The following TRIO variants were observed in gnomAD, a reference collection of about 807,000 sequenced individuals.
The protein encoded by TRIO is trio Rho guanine nucleotide exchange factor.
TRIO carries 58 observed loss-of-function variants against 351.9 expected under a neutral mutation model. That is an observed-to-expected ratio of 0.16 (90% CI 0.13 to 0.21). The LOEUF (loss-of-function observed/expected upper bound fraction) is 0.21. TRIO is among the 10% of genes least tolerant of loss of function. The pLI is 1.00. For missense variants in TRIO, 3,201 were observed against 4,027.8 expected, an observed-to-expected ratio of 0.79 and a Z score of 5.56; for synonymous variants, 1,758 against 1,595.7, an observed-to-expected ratio of 1.10 and a Z score of -2.42.
chr5:14,487,654 C>G lies in TRIO; in HGVS notation c.7026C>G (p.Pro2342=), dbSNP rs1579802383. The change falls in exon 48 of 57, where the codon CCC becomes CCG. Residue 2342 remains proline, a synonymous_variant. Coordinates refer to ENST00000344204, the MANE Select transcript of TRIO (RefSeq NM_007118.4). ...STSRSRPSRI[P]QPVRHHPPVL... is the part of the protein sequence containing the mutation. ...GCAGGAGCCGGCCCTCCCGGATCCC[C>G]CAGCCTGTCCGACACCACCCCCCCG... 7.5e-7 allele frequency: 1 copy of G among 1,337,912 alleles called. No homozygotes were observed. Among genetic ancestry groups the G allele is most frequent in the Non-Finnish European group, 9.7e-7 (1 of 1,034,328 alleles). The allele number at this position is 1,337,912 out of a possible 1,614,324, so 82.9% of individuals were successfully genotyped here.
At position 14,497,937 on chromosome 5, in the gene TRIO, G is replaced by C; in HGVS notation, c.8047+63G>C. The stretch of plus-strand genomic sequence containing the variant: ...TTCTAGACCTGTGGGGCATGTTTCA[G>C]AGCACTTGAGTGTGGCCTCTGGAAA... On this transcript the variant is annotated intron_variant, in intron 51 of 56. Transcript: ENST00000344204. This position sits in a 1 kb window ranked among gnomAD's most constrained non-coding sequence, Gnocchi z 4.4. 1.9e-6 allele frequency: 3 copies of C among 1,612,724 alleles called. No individual in the cohort carries two copies. The highest frequency in any genetic ancestry group is 2.5e-6 in the Non-Finnish European group (3 of 1,178,766).
intron 1 of TRIO, among the ~76,000 whole-genome samples, chr5:14,159,748 G>A (rs1168112706): frequency 6.6e-6 from 1 of 151,992 alleles, no homozygotes; most frequent in Non-Finnish European, 1.5e-5. Context: ...TGCATTTTTA[G>A]TAGAGACAGG....
chr5:14,235,883 G>A (rs949861303), intron 1 of TRIO, among the ~76,000 whole-genome samples: 5 of 151,748 alleles, frequency 3.3e-5, no homozygotes, highest in African/African-American at 1.2e-4. Context: ...GGCTGGTCTC[G>A]AACTCCTGGC....
chr5:14,448,406 G>A (rs538110019), intron 34 of TRIO, among the ~76,000 whole-genome samples: 3 of 152,360 alleles, frequency 2.0e-5, no homozygotes, highest in South Asian at 4.1e-4. Flanking sequence ...CCATCAGAGC[G>A]TGGGTTGTCT....
intron 34 of TRIO, among the ~76,000 whole-genome samples, chr5:14,439,649 G>T (rs939856029): frequency 6.6e-6 from 1 of 152,276 alleles, no homozygotes; most frequent in South Asian, 2.1e-4. Flanking sequence ...CAATAAAGTT[G>T]TCTTCTCTTA....
chr5:14,471,998 T>C (rs1480939987), intron 38 of TRIO, among the ~76,000 whole-genome samples: 1 of 152,036 alleles, frequency 6.6e-6, no homozygotes, highest in Non-Finnish European at 1.5e-5. Flanking sequence ...TCCGATGGTG[T>C]TGGGCACATG....
intron 46 of TRIO, among the ~76,000 whole-genome samples, chr5:14,484,197 G>T (rs116162014): frequency 6.6e-6 from 1 of 152,184 alleles, no homozygotes; most frequent in African/African-American, 2.4e-5. Context: ...TAGGAATTTC[G>T]TATATATTTT....
chr5:14,201,131 G>C (rs1205382494), intron 1 of TRIO, among the ~76,000 whole-genome samples: 1 of 151,990 alleles, frequency 6.6e-6, no homozygotes, highest in Non-Finnish European at 1.5e-5. Flanking sequence ...GTTGTGCCAC[G>C]TTCCTGTAAT....
At position 14,507,939 on chromosome 5, in the gene TRIO, T is replaced by C; in HGVS notation, c.8811T>C (p.Phe2937=). Residue 2937 remains phenylalanine, a synonymous_variant, in exon 57 of 57, where the codon TTT becomes TTC. Coordinates refer to ENST00000344204, the MANE Select transcript of TRIO (RefSeq NM_007118.4). ...AGCCAACCATCAAACTGGCTGACTT[T>C]GGAGATGCTGTTCAGCTCAACACGA... The part of the protein sequence containing the change: ...LAKPTIKLAD[F]GDAVQLNTTY... 6.2e-7 allele frequency: 1 copy of C among 1,614,190 alleles called. No individual in the cohort carries two copies. Among genetic ancestry groups the C allele is most frequent in the Non-Finnish European group, 8.5e-7 (1 of 1,180,030 alleles).
At chr5:14,361,158 C>T (rs1744115656) in intron 13 of TRIO, among the ~76,000 whole-genome samples, 1 of 151,390 alleles carries the variant, frequency 6.6e-6, no homozygotes. Context: ...GTTTTTCTTC[C>T]AGGACATTTT....
intron 18 of TRIO, among the ~76,000 whole-genome samples, chr5:14,372,582 G>A (rs6880313): frequency 0.024 from 3,618 of 152,272 alleles, 166 homozygotes; most frequent in African/African-American, 0.083. Flanking sequence ...TTATTCTAAA[G>A]TAGAGTTTGT....
At chr5:14,409,577 G>A (rs1172054268) in intron 33 of TRIO, among the ~76,000 whole-genome samples, 1 of 151,894 alleles carries the variant, frequency 6.6e-6, no homozygotes, top group Non-Finnish European at 1.5e-5. Context: ...GCTCACGCCT[G>A]TAATCCCAGC....
rs200412299 is a variant in TRIO at position 14,498,145 on chromosome 5, G to A, written c.8104G>A (p.Val2702Ile). ...SEVTCETGET[V>I]VLRCRVCGRP... ...GGTCACGTGTGAGACAGGGGAGACCGTTGTTCTTAGATGTCGAGTCTGTGG... is the reference window on the plus strand; with the variant it reads ...GGTCACGTGTGAGACAGGGGAGACCATTGTTCTTAGATGTCGAGTCTGTGG... The change falls in exon 52 of 57, where the codon GTT (valine) becomes ATT (isoleucine). Residue 2702 changes from valine to isoleucine, a missense_variant. Val to Ile is a conservative substitution (Grantham distance 29). Around this residue, in one of 19 missense-constraint regions of TRIO, gnomAD observed 1,089 missense variants for 954.9 expected, o/e 1.14. Coordinates refer to ENST00000344204, the MANE Select transcript of TRIO (RefSeq NM_007118.4). 117 of 1,614,066 alleles carry A rather than the reference G, an allele frequency of 7.2e-5. 1 individual carries two copies. The highest frequency in any genetic ancestry group is 2.2e-4 in the Admixed American group (13 of 60,010).
intron 41 of TRIO, among the ~76,000 whole-genome samples, chr5:14,478,748 G>C (rs1276983422): frequency 1.4e-5 from 2 of 144,384 alleles, no homozygotes; most frequent in Non-Finnish European, 3.0e-5. Context: ...GGCTAGTTTT[G>C]AGACCAGGCT....
At chr5:14,490,471 G>A (rs930553577) in intron 48 of TRIO, among the ~76,000 whole-genome samples, 2 of 152,272 alleles carry the variant, frequency 1.3e-5, no homozygotes, top group South Asian at 2.1e-4. Context: ...TGACATGGAT[G>A]TGGATCAACC....
At chr5:14,361,844 G>A (rs928544253) in intron 13 of TRIO, among the ~76,000 whole-genome samples, 2 of 152,200 alleles carry the variant, frequency 1.3e-5, no homozygotes, top group African/African-American at 2.4e-5. Context: ...ATGGCCAGAC[G>A]TGGTGGCTCA....
intron 37 of TRIO, among the ~76,000 whole-genome samples, chr5:14,469,815 A>G (rs1446986989): frequency 1.3e-5 from 2 of 152,248 alleles, no homozygotes; most frequent in Admixed American, 6.5e-5. Flanking sequence ...ACAGGTCCCC[A>G]TGGACACTGA....
At chr5:14,328,366 C>T (rs183880464) in intron 9 of TRIO, among the ~76,000 whole-genome samples, 3 of 152,286 alleles carry the variant, frequency 2.0e-5, no homozygotes, top group Admixed American at 6.5e-5. Context: ...ACAATGCACT[C>T]GTTAAAGTAA....
intron 9 of TRIO, among the ~76,000 whole-genome samples, chr5:14,320,725 G>A (rs1464490207): frequency 6.6e-6 from 1 of 152,142 alleles, no homozygotes; most frequent in Non-Finnish European, 1.5e-5. Context: ...GGATAAATAT[G>A]TTGACAGGGT....
Sources: allele counts gnomAD v4.1 joint callset (sites outside exome capture counted in the v4.1 genomes callset), GRCh38; gene constraint gnomAD v4.1.1; regional missense constraint gnomAD v4.1.1; non-coding constraint Gnocchi (gnomAD v3.1); transcripts MANE v1.5; gene names NCBI Gene and HGNC (gene_info 2026-07-23, HGNC 2026-07-21).